Variants in SOX5 observed in about 807,000 individuals in gnomAD.
The protein encoded by SOX5 is SRY-box transcription factor 5, also known as transcription factor SOX-5.
SOX5 carries 9 observed loss-of-function variants against 92.0 expected under a neutral mutation model. That is an observed-to-expected ratio of 0.10 (90% CI 0.06 to 0.17). The LOEUF (loss-of-function observed/expected upper bound fraction) is 0.17, where lower values mean the gene tolerates loss of function less well. Among genes scored for constraint, SOX5 ranks in the 10% least tolerant of loss-of-function variants. The probability of loss-of-function intolerance (pLI) is 1.00; values close to 1 mark genes in which losing one functional copy is unlikely to be tolerated. For missense variants in SOX5, 642 were observed against 944.5 expected (o/e 0.68, Z 4.20); for synonymous variants, 344 against 336.3 (o/e 1.02, Z -0.25).
intron 6 of SOX5, among the ~76,000 whole-genome samples, chr12:23,711,490 G>A (rs2092048374): frequency 6.6e-6 from 1 of 152,112 alleles, no homozygotes; most frequent in African/African-American, 2.4e-5. Flanking sequence ...CACACATGCT[G>A]TATATCTTTG....
intron 1 of SOX5, among the ~76,000 whole-genome samples, chr12:23,910,417 A>G (rs1392101625): frequency 6.6e-6 from 1 of 152,122 alleles, no homozygotes; most frequent in Non-Finnish European, 1.5e-5. Context: ...ACATCAAACC[A>G]TGTGGAAGAT....
At chr12:23,753,556 T>G (rs2141204049) in intron 4 of SOX5, among the ~76,000 whole-genome samples, 1 of 151,908 alleles carries the variant, frequency 6.6e-6, no homozygotes, top group South Asian at 2.1e-4. Context: ...ATTCAATACA[T>G]TCATATTTTC....
intron 2 of SOX5, among the ~76,000 whole-genome samples, chr12:24,305,165 T>C (rs1948430775): frequency 6.6e-6 from 1 of 152,228 alleles, no homozygotes; most frequent in Non-Finnish European, 1.5e-5. Context: ...AGGATAATTA[T>C]GTCAATAATT....
chr12:24,116,073 T>C (rs1194705495), intron 4 of SOX5, among the ~76,000 whole-genome samples: 3 of 152,228 alleles, frequency 2.0e-5, no homozygotes, highest in Admixed American at 1.3e-4. Context: ...AGTAAAGTAA[T>C]ATAACTATCA....
intron 1 of SOX5, among the ~76,000 whole-genome samples, chr12:23,940,745 TACACACAC>T (rs36124621): frequency 0.025 from 3,444 of 139,740 alleles, 118 homozygotes; most frequent in African/African-American, 0.079. Context: ...AGATAAGTAT[TACACACAC>T]ACACACACAC....
chr12:23,858,480 A>T (rs187561440), intron 2 of SOX5, among the ~76,000 whole-genome samples: 1 of 152,318 alleles, frequency 6.6e-6, no homozygotes, highest in Non-Finnish European at 1.5e-5. Flanking sequence ...TTCAAATAAA[A>T]ACCACAGCGA....
At chr12:23,692,242 G>A (rs982319847) in intron 6 of SOX5, among the ~76,000 whole-genome samples, 3 of 151,830 alleles carry the variant, frequency 2.0e-5, no homozygotes, top group Non-Finnish European at 2.9e-5. Context: ...AGACCAGCAC[G>A]GCCAACATAG....
intron 1 of SOX5, among the ~76,000 whole-genome samples, chr12:23,910,307 C>T (rs1412556800): frequency 1.3e-5 from 2 of 152,080 alleles, no homozygotes; most frequent in Non-Finnish European, 2.9e-5. Context: ...AATGCATACT[C>T]AAAGTGTGTA....
At chr12:23,634,734 C>A (rs2078998397) in intron 8 of SOX5, among the ~76,000 whole-genome samples, 1 of 152,020 alleles carries the variant, frequency 6.6e-6, no homozygotes. Flanking sequence ...CAAATTCAAA[C>A]TGTTTTTTTC....
intron 3 of SOX5, among the ~76,000 whole-genome samples, chr12:24,249,355 A>C (rs1452190278): frequency 6.6e-6 from 1 of 152,208 alleles, no homozygotes; most frequent in Non-Finnish European, 1.5e-5. Context: ...GTTGGCATGC[A>C]GGATTTATCT....
At chr12:23,681,679 G>A (rs1346821870) in intron 6 of SOX5, among the ~76,000 whole-genome samples, 1 of 151,718 alleles carries the variant, frequency 6.6e-6, no homozygotes, top group Non-Finnish European at 1.5e-5. Context: ...TATAACTTAA[G>A]AATTATTATG....
intron 6 of SOX5, among the ~76,000 whole-genome samples, chr12:23,709,052 T>G (rs2091767580): frequency 6.6e-6 from 1 of 151,372 alleles, no homozygotes; most frequent in African/African-American, 2.4e-5. Flanking sequence ...TGCCACAGAG[T>G]AGAAGGTTAG....
intron 14 of SOX5, among the ~76,000 whole-genome samples, chr12:23,535,366 G>A (rs1030777356): frequency 6.6e-6 from 1 of 152,180 alleles, no homozygotes; most frequent in Non-Finnish European, 1.5e-5. Flanking sequence ...TAGGAAGCAG[G>A]AGCAGCTTCA....
intron 4 of SOX5, among the ~76,000 whole-genome samples, chr12:23,981,669 A>G (rs999379843): frequency 1.3e-5 from 2 of 152,172 alleles, no homozygotes; most frequent in African/African-American, 4.8e-5. Context: ...TCCTGAAAAT[A>G]TTGGATGACA....
intron 1 of SOX5, among the ~76,000 whole-genome samples, chr12:23,921,196 G>A (rs1219998249): frequency 2.6e-5 from 4 of 152,034 alleles, no homozygotes; most frequent in East Asian, 1.9e-4. Flanking sequence ...TAATCAACAG[G>A]AGCAGTGCAT....
intron 3 of SOX5, among the ~76,000 whole-genome samples, chr12:24,264,519 G>A (rs4502065): frequency 0.15 from 22,996 of 152,128 alleles, 1,878 homozygotes; most frequent in Middle Eastern, 0.18. Context: ...TTTTGTAAAG[G>A]AGTCCTTTAG....
intron 4 of SOX5, among the ~76,000 whole-genome samples, chr12:23,961,595 C>T (rs753696392): frequency 6.6e-6 from 1 of 152,112 alleles, no homozygotes; most frequent in Non-Finnish European, 1.5e-5. Flanking sequence ...GGTATCACCC[C>T]CTATTGGAAT....
At chr12:23,779,814 T>TATATATATACAC (rs777013504) in intron 3 of SOX5, among the ~76,000 whole-genome samples, 5,559 of 109,954 alleles carry the variant, frequency 0.051, 145 homozygotes, top group South Asian at 0.068. Context: ...TATATATATA[T>TATATATATACAC]ACACACACAC....
chr12:24,015,287 A>C (rs1435129859), intron 4 of SOX5, among the ~76,000 whole-genome samples: 1 of 152,096 alleles, frequency 6.6e-6, no homozygotes, highest in Admixed American at 6.6e-5. Context: ...TTTCACAAAA[A>C]AGCCAGCCTC....
Sources: gnomAD v4.1 joint callset for allele counts (sites outside exome capture counted in the v4.1 genomes callset) on GRCh38, gnomAD v4.1.1 for gene constraint, MANE v1.5 for transcripts, NCBI Gene and HGNC (gene_info 2026-07-23, HGNC 2026-07-21) for gene names.